Variants in CECR2 observed in about 807,000 individuals in gnomAD.
CECR2 encodes the protein CECR2 histone acetyl-lysine reader.
In CECR2, 30 loss-of-function variants were observed where a neutral mutation model predicts 154.5. That is an observed-to-expected ratio of 0.19 (90% confidence interval 0.15 to 0.26). The LOEUF (loss-of-function observed/expected upper bound fraction) is 0.26, where lower values mean the gene tolerates loss of function less well. Among genes scored for constraint, CECR2 ranks in the 10% least tolerant of loss-of-function variants. The probability of loss-of-function intolerance (pLI) is 1.00; values close to 1 mark genes in which losing one functional copy is unlikely to be tolerated. For synonymous variants in CECR2, 725 were observed against 683.7 expected (o/e 1.06, Z -0.94); for missense variants, 1,743 against 1,829.3 (o/e 0.95, Z 0.86).
At chr22:17,463,873 A>G (rs922108023) in intron 1 of CECR2, among the ~76,000 whole-genome samples, 2 of 152,108 alleles carry the variant, frequency 1.3e-5, no homozygotes, top group Non-Finnish European at 2.9e-5. Context: ...GAAGAGGTCC[A>G]AGGGGTGGTT....
At chr22:17,479,299 G>A (rs2055264736) in intron 2 of CECR2, among the ~76,000 whole-genome samples, 1 of 152,126 alleles carries the variant, frequency 6.6e-6, no homozygotes, top group Admixed American at 6.5e-5. Flanking sequence ...GTGTCTGCTT[G>A]GATGATCCTT....
rs2054034536 is a variant in CECR2, at chr22:17,409,382, C to T, written c.126+39473C>T. ...TCTTGACCTCGTGATCTGCCTGCCT[C>T]CCACCACACCCAGCTAATTTTTGTA... is the stretch of plus-strand genomic sequence containing the variant. On this transcript the variant is annotated intron_variant, in intron 1 of 18. Coordinates refer to ENST00000262608, the MANE Select transcript of CECR2 (RefSeq NM_001290047.2). Among the ~76,000 whole-genome samples, 2 of 109,576 alleles carry T rather than the reference C, an allele frequency of 1.8e-5. 1 individual carries two copies. The highest frequency in any genetic ancestry group is 4.4e-5 in the Non-Finnish European group (2 of 45,880). The allele number at this position is 109,576 out of a possible 152,430, so 71.9% of individuals were successfully genotyped here.
chr22:17,514,761 C>T lies in CECR2; in HGVS notation c.954+2865C>T, dbSNP rs796720936. Among the ~76,000 whole-genome samples the T allele has an allele frequency of 2.2e-4, 33 of 152,186 alleles. 1 individual carries two copies. The highest frequency in any genetic ancestry group is 6.7e-4 in the African/African-American group (28 of 41,528). On this transcript the variant is annotated intron_variant, in intron 8 of 18. Coordinates refer to ENST00000262608, the MANE Select transcript of CECR2 (RefSeq NM_001290047.2). ...TTAAAACAGACTTGTGGGCCAGGCG[C>T]GGTGGCTCACGCCTGTAATCCCAGC...
chr22:17,480,629 C>T (rs1569109307), intron 2 of CECR2, among the ~76,000 whole-genome samples: 2 of 152,152 alleles, frequency 1.3e-5, no homozygotes, highest in African/African-American at 4.8e-5. Flanking sequence ...TGTGAATGTA[C>T]ACTCGTTCTT....
At chr22:17,530,111 T>C (rs1023003376) in intron 9 of CECR2, among the ~76,000 whole-genome samples, 1 of 152,130 alleles carries the variant, frequency 6.6e-6, no homozygotes, top group Non-Finnish European at 1.5e-5. Flanking sequence ...CGTATGCTGG[T>C]ATTTATATTC....
At chr22:17,475,634 C>A (rs1002357213) in intron 1 of CECR2, among the ~76,000 whole-genome samples, 1 of 152,126 alleles carries the variant, frequency 6.6e-6, no homozygotes, top group African/African-American at 2.4e-5. Context: ...AATACGTGAT[C>A]TGTAGTTTCA....
At chr22:17,381,966 C>A (rs576099443) in intron 1 of CECR2, among the ~76,000 whole-genome samples, 1 of 151,598 alleles carries the variant, frequency 6.6e-6, no homozygotes, top group Non-Finnish European at 1.5e-5. Flanking sequence ...TGGCTCACTG[C>A]GAGCTCCGCC....
intron 1 of CECR2, among the ~76,000 whole-genome samples, chr22:17,476,088 A>G (rs574852977): frequency 1.3e-4 from 19 of 150,832 alleles, no homozygotes; most frequent in African/African-American, 4.6e-4. Flanking sequence ...ACATAATCTA[A>G]AGAATAGTTA....
chr22:17,465,060 G>C (rs1397147059), intron 1 of CECR2, among the ~76,000 whole-genome samples: 2 of 146,846 alleles, frequency 1.4e-5, no homozygotes, highest in South Asian at 2.2e-4. Flanking sequence ...GCAGTGGCGC[G>C]ATCTCAGCTC....
intron 1 of CECR2, among the ~76,000 whole-genome samples, chr22:17,456,297 T>C (rs2054853375): frequency 6.6e-6 from 1 of 152,198 alleles, no homozygotes; most frequent in African/African-American, 2.4e-5. Flanking sequence ...TTTTATTATA[T>C]TTTATAATAT....
chr22:17,469,650 C>A (rs911580464), intron 1 of CECR2, among the ~76,000 whole-genome samples: 2 of 149,482 alleles, frequency 1.3e-5, no homozygotes, highest in Admixed American at 6.7e-5. Flanking sequence ...TATAATCCTA[C>A]CCAGGCTGTT....
At chr22:17,519,388 TAG>T (rs2056117629) in intron 8 of CECR2, among the ~76,000 whole-genome samples, 1 of 150,680 alleles carries the variant, frequency 6.6e-6, no homozygotes, top group African/African-American at 2.4e-5. Flanking sequence ...GCCTCCCGAG[TAG>T]CTGGGACTAC....
At chr22:17,467,645 G>C (rs2055055783) in intron 1 of CECR2, among the ~76,000 whole-genome samples, 1 of 152,146 alleles carries the variant, frequency 6.6e-6, no homozygotes, top group Admixed American at 6.5e-5. Flanking sequence ...AGTCGGGCAT[G>C]GTGGCAGGTA....
intron 1 of CECR2, among the ~76,000 whole-genome samples, chr22:17,425,599 A>G (rs2054318079): frequency 1.3e-5 from 2 of 152,216 alleles, no homozygotes; most frequent in South Asian, 4.1e-4. Context: ...TTCCCAGGAC[A>G]GCAGAGCTTG....
At chr22:17,367,073 C>T (rs76674390), upstream of CECR2, among the ~76,000 whole-genome samples, 1,682 of 152,276 alleles carry the variant, frequency 0.011, 15 homozygotes, top group African/African-American at 0.026. Flanking sequence ...GGCGGATCTC[C>T]GAGCAGCACC....
At chr22:17,431,539 A>G (rs748079100) in intron 1 of CECR2, among the ~76,000 whole-genome samples, 1 of 152,206 alleles carries the variant, frequency 6.6e-6, no homozygotes, top group Non-Finnish European at 1.5e-5. Flanking sequence ...GCATAAAATT[A>G]TTTGCATGTA....
At chr22:17,552,192 A>G in intron 18 of CECR2, 50 bp downstream of exon 18, 1 of 1,507,530 alleles carries the variant, frequency 6.6e-7, no homozygotes, top group South Asian at 1.1e-5. Flanking sequence ...AGGTGGTAGG[A>G]AGTAAGTATA....
At chr22:17,547,432 G>A (rs1199124209) in intron 16 of CECR2, among the ~76,000 whole-genome samples, 2 of 152,010 alleles carry the variant, frequency 1.3e-5, no homozygotes, top group African/African-American at 2.4e-5. Flanking sequence ...GGGTTTCACC[G>A]TGTTAGCCAG....
intron 1 of CECR2, among the ~76,000 whole-genome samples, chr22:17,412,129 AAT>A (rs2054076625): frequency 6.6e-6 from 1 of 152,204 alleles, no homozygotes; most frequent in South Asian, 2.1e-4. Flanking sequence ...AGTATTCTCT[AAT>A]ATCATGGCTA....
Sources: gnomAD v4.1 joint callset for allele counts (sites outside exome capture counted in the v4.1 genomes callset) on GRCh38, gnomAD v4.1.1 for gene constraint, MANE v1.5 for transcripts, NCBI Gene and HGNC (gene_info 2026-07-23, HGNC 2026-07-21) for gene names.